The following FNDC3A variants were observed in gnomAD, a reference collection of about 807,000 sequenced individuals.
FNDC3A encodes fibronectin type-III domain-containing protein 3A.
In FNDC3A, 32 loss-of-function variants were observed where a neutral mutation model predicts 148.9. The observed-to-expected ratio is 0.21, with a 90% CI of 0.16 to 0.29. FNDC3A has a LOEUF of 0.29. Ranked by LOEUF, FNDC3A falls within the 10% of genes least tolerant of loss-of-function variation. The pLI is 1.00. For missense variants in FNDC3A, 1,191 were observed against 1,452.8 expected, an observed-to-expected ratio of 0.82 and a Z score of 2.93; for synonymous variants, 472 against 473.6, an observed-to-expected ratio of 1.00 and a Z score of 0.04.
At chr13:49,152,651 A>G (rs1368780563) in intron 8 of FNDC3A, among the ~76,000 whole-genome samples, 6 of 151,482 alleles carry the variant, frequency 4.0e-5, no homozygotes, top group Non-Finnish European at 7.4e-5. Context: ...TATATCTCCC[A>G]ATGCTACCCC....
intron 25 of FNDC3A, among the ~76,000 whole-genome samples, chr13:49,205,662 C>T (rs1456860646): frequency 6.6e-6 from 1 of 152,146 alleles, no homozygotes; most frequent in Non-Finnish European, 1.5e-5. Flanking sequence ...CCAACCTGTA[C>T]CATCTCCCAA....
chr13:49,188,262 A>G (rs2138098744), intron 16 of FNDC3A, among the ~76,000 whole-genome samples: 1 of 152,354 alleles, frequency 6.6e-6, no homozygotes, highest in Middle Eastern at 3.4e-3. Flanking sequence ...TTAAAAGTAA[A>G]TTATCAATCT....
chr13:49,206,271 C>A (rs1216777938), intron 25 of FNDC3A, among the ~76,000 whole-genome samples: 2 of 152,188 alleles, frequency 1.3e-5, no homozygotes, highest in African/African-American at 4.8e-5. Context: ...TCTAAAATCA[C>A]ATCTGGAGTG....
intron 1 of FNDC3A, among the ~76,000 whole-genome samples, chr13:49,000,132 G>A (rs1297919932): frequency 6.6e-6 from 1 of 152,088 alleles, no homozygotes; most frequent in South Asian, 2.1e-4. Context: ...GTGTGTTTTT[G>A]CTGTCATATC....
At chr13:49,161,660 G>A (rs543449917) in intron 8 of FNDC3A, among the ~76,000 whole-genome samples, 16 of 152,206 alleles carry the variant, frequency 1.1e-4, no homozygotes, top group South Asian at 8.3e-4. Flanking sequence ...GATGTTAGCC[G>A]GTTATTTTGC....
At position 49,198,562 on chromosome 13, in the gene FNDC3A, A is replaced by G. The variant is rs373613275; in HGVS notation, c.2975A>G (p.Asp992Gly). 7 of 1,611,928 alleles carry G rather than the reference A, an allele frequency of 4.3e-6. No homozygotes were observed. The highest frequency in any genetic ancestry group is 5.9e-6 in the Non-Finnish European group (7 of 1,178,070). ...DSIQYHLQME[D>G]KNGRFVSLYR... ...ATTCAGTACCACCTTCAGATGGAGG[A>G]TAAGAATGGACGGTAGGTTTTTTTA... The change falls in exon 23 of 26, where the codon GAT (aspartate) becomes GGT (glycine). Residue 992 changes from aspartate to glycine, a missense_variant. Coordinates refer to ENST00000492622, the MANE Select transcript of FNDC3A (RefSeq NM_001079673.2).
chr13:49,078,588 A>G (rs921905401), intron 3 of FNDC3A, among the ~76,000 whole-genome samples: 1 of 152,220 alleles, frequency 6.6e-6, no homozygotes, highest in African/African-American at 2.4e-5. Context: ...TACAAGATGG[A>G]ATATGGGTGG....
intron 23 of FNDC3A, chr13:49,201,138 T>C: frequency 3.4e-6 from 1 of 297,326 alleles, no homozygotes; most frequent in Non-Finnish European, 6.7e-6. Flanking sequence ...TTTAGAAACA[T>C]CCAATCAAAA....
At chr13:49,102,597 G>A (rs886191930) in intron 3 of FNDC3A, among the ~76,000 whole-genome samples, 2 of 152,106 alleles carry the variant, frequency 1.3e-5, no homozygotes, top group East Asian at 1.9e-4. Flanking sequence ...TGTTAGTGAC[G>A]TGGTCACTAC....
chr13:49,016,374 T>A (rs1232304007), intron 2 of FNDC3A, among the ~76,000 whole-genome samples: 1 of 152,192 alleles, frequency 6.6e-6, no homozygotes, highest in Non-Finnish European at 1.5e-5. Flanking sequence ...CTTCTAGATT[T>A]TCTAGTTTAT....
intron 8 of FNDC3A, among the ~76,000 whole-genome samples, chr13:49,152,373 T>G (rs757915963): frequency 8.5e-5 from 13 of 152,254 alleles, no homozygotes; most frequent in Non-Finnish European, 1.8e-4. Flanking sequence ...CATGAATGTC[T>G]TCTTTTGAGA....
chr13:49,056,019 T>G (rs969797120), intron 2 of FNDC3A, among the ~76,000 whole-genome samples: 3 of 151,442 alleles, frequency 2.0e-5, no homozygotes, highest in Non-Finnish European at 4.4e-5. Context: ...AGACCCCATC[T>G]CTACAAAAAT....
At position 49,066,234 on chromosome 13, in the gene FNDC3A, T is replaced by C. The variant is rs182228456; in HGVS notation, c.100-9055T>C. On this transcript the variant is annotated intron_variant, in intron 2 of 25. Coordinates refer to ENST00000492622, the MANE Select transcript of FNDC3A (RefSeq NM_001079673.2). ...TAAAATAGTCATTTGGAGCCAAGCA[T>C]AGTAAAGATTTTGAGTCAGAGACAA... Among the ~76,000 whole-genome samples the C allele has an allele frequency of 2.3e-3, 347 of 152,340 alleles. 1 individual carries two copies. The highest frequency in any genetic ancestry group is 3.5e-3 in the Non-Finnish European group (236 of 68,026).
intron 2 of FNDC3A, among the ~76,000 whole-genome samples, chr13:49,038,266 C>T (rs1213372862): frequency 3.3e-5 from 5 of 152,148 alleles, no homozygotes; most frequent in Non-Finnish European, 7.3e-5. Flanking sequence ...AACAGGAATG[C>T]CTGTTCTCAC....
intron 2 of FNDC3A, among the ~76,000 whole-genome samples, chr13:49,056,269 C>T (rs548427147): frequency 1.3e-5 from 2 of 152,030 alleles, no homozygotes; most frequent in Non-Finnish European, 2.9e-5. Flanking sequence ...CCTCCTGCCT[C>T]AGCCTTCCAA....
At chr13:49,014,346 C>G (rs1225302498) in intron 2 of FNDC3A, among the ~76,000 whole-genome samples, 2 of 113,546 alleles carry the variant, frequency 1.8e-5, no homozygotes. Flanking sequence ...CTCTGATGGC[C>G]AGTGATGGTG....
chr13:49,207,504 CTA>C lies in FNDC3A; in HGVS notation c.*112_*113del. On this transcript the variant is annotated 3_prime_UTR_variant, in exon 26 of 26. Transcript: ENST00000492622. ...GTGGCATTTAGCACTGGCATTGAGA[CTA>C]TAGCACATCATTTTTGCCATTTTCA... 1.4e-6 allele frequency: 1 copy of C among 694,414 alleles called. No individual in the cohort carries two copies. Among genetic ancestry groups the C allele is most frequent in the Non-Finnish European group, 2.4e-6 (1 of 419,844 alleles). 43.0% of individuals were successfully genotyped at this position (694,414 alleles called of 1,614,324 possible).
intron 2 of FNDC3A, among the ~76,000 whole-genome samples, chr13:49,042,797 A>C (rs534089168): frequency 1.2e-4 from 18 of 152,234 alleles, no homozygotes; most frequent in Non-Finnish European, 8.8e-5. Flanking sequence ...TGTTGTTGTA[A>C]GTATTTAGAG....
At chr13:49,178,802 G>T in intron 14 of FNDC3A, 148 bp downstream of exon 14, 1 of 525,668 alleles carries the variant, frequency 1.9e-6, no homozygotes, top group Non-Finnish European at 3.3e-6. Context: ...GCACAATCAT[G>T]GCTCACTGCA....
Sources: allele counts gnomAD v4.1 joint callset (sites outside exome capture counted in the v4.1 genomes callset), GRCh38; gene constraint gnomAD v4.1.1; transcripts MANE v1.5; gene names NCBI Gene and HGNC (gene_info 2026-07-23, HGNC 2026-07-21).